PGM3: variants seen among roughly 807,000 people sequenced by gnomAD.
PGM3 encodes the protein phosphoglucomutase 3.
PGM3 carries 40 observed loss-of-function variants against 66.2 expected under a neutral mutation model. The ratio of observed to expected loss-of-function variants is 0.60; its 90% CI spans 0.47 to 0.79. The LOEUF (loss-of-function observed/expected upper bound fraction) is 0.79. PGM3 is among the 30% of genes least tolerant of loss of function. The pLI is 0.00. For synonymous variants in PGM3, 191 were observed against 224.2 expected (o/e 0.85, Z 1.32); for missense variants, 537 against 643.4 (o/e 0.83, Z 1.79).
At chr6:83,162,382 A>AT (rs1396709345), downstream of PGM3, among the ~76,000 whole-genome samples, 2 of 152,186 alleles carry the variant, frequency 1.3e-5, no homozygotes, top group Non-Finnish European at 2.9e-5. Context: ...TTGGCCAGTT[A>AT]TATGTTGAAA....
downstream of PGM3, among the ~76,000 whole-genome samples, chr6:83,161,930 A>AC (rs752826985): frequency 1.3e-5 from 2 of 152,196 alleles, no homozygotes; most frequent in Non-Finnish European, 2.9e-5. Flanking sequence ...ACAATCTAGG[A>AC]CATTGGCTGT....
At chr6:83,187,176 A>G in intron 3 of PGM3, 101 bp from the exon 4 acceptor site, 1 of 701,260 alleles carries the variant, frequency 1.4e-6, no homozygotes, top group South Asian at 1.7e-5. Context: ...AAATTTCAAA[A>G]TAGTAAGTTC....
In PGM3 at chr6:83,190,847, T is replaced by C; in HGVS notation, c.166A>G (p.Thr56Ala). 6.2e-7 allele frequency: 1 copy of C among 1,614,064 alleles called. No individual in the cohort carries two copies. Among genetic ancestry groups the C allele is most frequent in the Non-Finnish European group, 8.5e-7 (1 of 1,179,956 alleles). The change falls in exon 2 of 13, where the codon ACT becomes GCT. Residue 56 changes from threonine (T) to alanine (A), a missense_variant. Thr to Ala is a moderately conservative substitution (Grantham distance 58). Transcript: ENST00000513973. ...AVLRSKQTKSTIGVMVTASHN... is the reference protein window; with the variant it reads ...AVLRSKQTKSAIGVMVTASHN... ...GACGCTGTTACCATGACTCCTATAG[T>C]GGATTTTGTCTGTTTTGACCTCAGG...
At chr6:83,151,224 A>G in the PGM3 span, among the ~76,000 whole-genome samples, 1 of 152,196 alleles carries the variant, frequency 6.6e-6, no homozygotes, top group African/African-American at 2.4e-5. Flanking sequence ...TATTCACAGC[A>G]TGATCATAGC....
chr6:83,157,648 A>G (rs563973960), downstream of PGM3, among the ~76,000 whole-genome samples: 1 of 152,322 alleles, frequency 6.6e-6, no homozygotes, highest in East Asian at 1.9e-4. Flanking sequence ...ACCCATTTAC[A>G]ATAGCTGTAG....
At position 83,181,818 on chromosome 6, in the gene PGM3, C is replaced by G. The variant is rs199729957; in HGVS notation, c.705G>C (p.Gln235His). 1 of 1,613,900 alleles carries G rather than the reference C, an allele frequency of 6.2e-7. No homozygotes were observed. Among genetic ancestry groups the G allele is most frequent in the Non-Finnish European group, 8.5e-7 (1 of 1,179,944 alleles). Reference sequence around the variant, plus strand: ...TGCCCTTGGACCCATCATTAAACAGCTGAACTGACAGGCCCTGTGAGAAGT... The same window carrying G: ...TGCCCTTGGACCCATCATTAAACAGGTGAACTGACAGGCCCTGTGAGAAGT... ...EHYFSQGLSV[Q>H]LFNDGSKGKL... The change falls in exon 6 of 13, where the codon CAG becomes CAC. Residue 235 changes from glutamine to histidine, a missense_variant. By Grantham distance (24) the Gln-to-His change is conservative (BLOSUM62 0). Coordinates refer to ENST00000513973, the MANE Select transcript of PGM3 (RefSeq NM_015599.3).
intron 4 of PGM3, among the ~76,000 whole-genome samples, chr6:83,183,197 C>T (rs1186606134): frequency 6.6e-6 from 1 of 152,062 alleles, no homozygotes; most frequent in Non-Finnish European, 1.5e-5. Flanking sequence ...AAATATAAAG[C>T]AATACAGACA....
chr6:83,155,876 T>C, the PGM3 span: 1 of 1,522,000 alleles, frequency 6.6e-7, no homozygotes, highest in Admixed American at 2.0e-5. Context: ...ATAGAGCATC[T>C]AGCTATTTTA....
Position 83,166,355 on chromosome 6 carries a change from C to A in PGM3, c.*2879G>T. The stretch of plus-strand genomic sequence containing the variant: ...GCCACTGCACTCCTCATCTTCAAGG[C>A]TCTAGTCTCCTTTGCAAAACTTCTT... On this transcript the variant is annotated 3_prime_UTR_variant, in exon 13 of 13. Transcript: ENST00000513973. 1 of 697,082 alleles carries A rather than the reference C, an allele frequency of 1.4e-6. No homozygotes were observed. The allele number at this position is 697,082 out of a possible 1,614,324, so 43.2% of individuals were successfully genotyped here. A position where few individuals can be genotyped will look rare whatever the true frequency, so the allele number is the denominator to read the frequency against.
the PGM3 span, chr6:83,153,567 T>A: frequency 6.2e-7 from 1 of 1,610,540 alleles, no homozygotes; most frequent in Non-Finnish European, 8.5e-7. Context: ...AGCGGGTTAT[T>A]CCTTTACTTG....
intron 3 of PGM3, 58 bp downstream of exon 3, chr6:83,188,556 A>G (rs1253910663): frequency 7.5e-7 from 1 of 1,329,950 alleles, no homozygotes; most frequent in Non-Finnish European, 1.1e-6. Context: ...AAACTGATAC[A>G]ATCGTTTATA....
At chr6:83,155,943 T>C in the PGM3 span, 2 of 1,602,722 alleles carry the variant, frequency 1.2e-6, no homozygotes, top group South Asian at 2.3e-5. Context: ...TTTCACTTGC[T>C]TTTTCAGCTC....
rs949584812 is a variant in PGM3, at chr6:83,168,160, A to G, written c.*1074T>C. 6.2e-7 allele frequency: 1 copy of G among 1,611,482 alleles called. No individual in the cohort carries two copies. Among genetic ancestry groups the G allele is most frequent in the African/African-American group, 1.3e-5 (1 of 74,644 alleles). On this transcript the variant is annotated 3_prime_UTR_variant, in exon 13 of 13. Transcript: ENST00000513973. Reference sequence around the variant, plus strand: ...AAAGATTTTCTGGAAGGGATGATAAAAACTTGAGCACCATTGCTGGTTCCA... The same window carrying G: ...AAAGATTTTCTGGAAGGGATGATAAGAACTTGAGCACCATTGCTGGTTCCA...
intron 9 of PGM3, among the ~76,000 whole-genome samples, chr6:83,174,786 C>G (rs1226328534): frequency 1.3e-5 from 2 of 152,160 alleles, no homozygotes; most frequent in Admixed American, 6.5e-5. Flanking sequence ...TTCATGTTTT[C>G]CCTTTAACCA....
chr6:83,181,995 A>C, intron 5 of PGM3, 64 bp from the exon 6 acceptor site: 1 of 1,053,810 alleles, frequency 9.5e-7, no homozygotes, highest in South Asian at 1.6e-5. Context: ...TGAAATATAA[A>C]GCATATATAC....
At chr6:83,174,126 G>C (rs1787568232) in intron 10 of PGM3, among the ~76,000 whole-genome samples, 1 of 152,128 alleles carries the variant, frequency 6.6e-6, no homozygotes, top group Admixed American at 6.5e-5. Context: ...CTGAATCTGT[G>C]ATCCTAGGTA....
chr6:83,158,762 T>C, downstream of PGM3: 3 of 681,902 alleles, frequency 4.4e-6, no homozygotes, highest in Non-Finnish European at 7.3e-6. Context: ...TTGGATATAA[T>C]GTAGTTTTAC....
intron 10 of PGM3, among the ~76,000 whole-genome samples, chr6:83,172,736 A>C (rs1350087333): frequency 1.3e-5 from 2 of 152,188 alleles, no homozygotes; most frequent in African/African-American, 4.8e-5. Flanking sequence ...CAAGGGAAAA[A>C]GACCCTCTCA....
the PGM3 span, chr6:83,152,498 T>C: frequency 2.9e-5 from 12 of 409,150 alleles, no homozygotes; most frequent in Non-Finnish European, 4.6e-5. Flanking sequence ...CTATATAGAA[T>C]TAATATAAAG....
Sources: allele counts gnomAD v4.1 joint callset (sites outside exome capture counted in the v4.1 genomes callset), GRCh38; gene constraint gnomAD v4.1.1; transcripts MANE v1.5; gene names NCBI Gene and HGNC (gene_info 2026-07-23, HGNC 2026-07-21).